The following EYS variants were observed in gnomAD, a reference collection of about 807,000 sequenced individuals.
EYS encodes the protein EGF-like photoreceptor maintenance factor.
A neutral mutation model predicts 282.1 loss-of-function variants in EYS; 250 were observed. That is an observed-to-expected ratio of 0.89 (90% CI 0.80 to 0.98). EYS has a LOEUF of 0.98. Among genes scored for constraint, EYS ranks in the 50% least tolerant of loss-of-function variants. The pLI is 0.00. For synonymous variants in EYS, 1,355 were observed against 1,282.9 expected (o/e 1.06, Z -1.20); for missense variants, 4,016 against 3,709.0 (o/e 1.08, Z -2.15).
chr6:65,171,552 C>T lies in EYS; in HGVS notation c.2024-113825G>A, dbSNP rs547745480. Among the ~76,000 whole-genome samples the T allele has an allele frequency of 3.2e-4, 48 of 151,114 alleles. 1 individual carries two copies. The South Asian group carries it at 8.9e-3, about 28-fold the overall frequency. On this transcript the variant is annotated intron_variant, in intron 12 of 42. Transcript: ENST00000503581. Reference sequence around the variant, plus strand: ...GCATATTTGTGTATATGTGGTAAAACCCAACACTGAAGTATATTTCTTTAG... The same window carrying T: ...GCATATTTGTGTATATGTGGTAAAATCCAACACTGAAGTATATTTCTTTAG...
At position 65,241,514 on chromosome 6, in the gene EYS, T is replaced by A. The variant is rs539926567; in HGVS notation, c.2023+54349A>T. Among the ~76,000 whole-genome samples, 21 of 152,240 alleles carry A rather than the reference T, an allele frequency of 1.4e-4. No homozygotes were observed. In the South Asian group the frequency reaches 3.5e-3, roughly 26 times the overall value. ...TTTTTAAAATCAAGACCCACCTAATTTTCTTTTCCCTCTGGTCTAATTTTT... is the reference window on the plus strand; with the variant it reads ...TTTTTAAAATCAAGACCCACCTAATATTCTTTTCCCTCTGGTCTAATTTTT... On this transcript the variant is annotated intron_variant, in intron 12 of 42. Coordinates refer to ENST00000503581, the MANE Select transcript of EYS (RefSeq NM_001142800.2).
At chr6:64,102,918 C>T (rs1377644488) in intron 31 of EYS, among the ~76,000 whole-genome samples, 1 of 151,748 alleles carries the variant, frequency 6.6e-6, no homozygotes, top group Non-Finnish European at 1.5e-5. Flanking sequence ...CTTCAAATAT[C>T]TGTAGTGATT....
At chr6:65,546,930 C>A (rs1449987181) in intron 2 of EYS, among the ~76,000 whole-genome samples, 1 of 151,962 alleles carries the variant, frequency 6.6e-6, no homozygotes, top group Non-Finnish European at 1.5e-5. Context: ...GCAGCATTTG[C>A]CGTTAAGTTT....
At chr6:65,056,853 G>C (rs1280656465) in intron 13 of EYS, among the ~76,000 whole-genome samples, 6 of 151,908 alleles carry the variant, frequency 3.9e-5, no homozygotes, top group African/African-American at 1.4e-4. Context: ...AAATGAGCTA[G>C]ATATATTCTT....
At chr6:65,039,593 A>T (rs1772872322) in intron 13 of EYS, among the ~76,000 whole-genome samples, 1 of 151,502 alleles carries the variant, frequency 6.6e-6, no homozygotes, top group Non-Finnish European at 1.5e-5. Context: ...ATGTGATGTG[A>T]TTACATTTTT....
chr6:65,631,176 A>C (rs1766897558), intron 2 of EYS, among the ~76,000 whole-genome samples: 1 of 152,186 alleles, frequency 6.6e-6, no homozygotes, highest in Non-Finnish European at 1.5e-5. Context: ...GACAATGAAG[A>C]CAGATGTGAC....
chr6:64,678,649 T>G (rs1769781152), intron 22 of EYS, among the ~76,000 whole-genome samples: 1 of 152,164 alleles, frequency 6.6e-6, no homozygotes, highest in South Asian at 2.1e-4. Context: ...TAATACAAGT[T>G]GTGTTTATTT....
At chr6:64,446,660 T>C (rs917668776) in intron 26 of EYS, among the ~76,000 whole-genome samples, 5 of 152,014 alleles carry the variant, frequency 3.3e-5, no homozygotes, top group African/African-American at 1.2e-4. Context: ...CAAGATTAAA[T>C]GTGAAAGTTG....
intron 31 of EYS, among the ~76,000 whole-genome samples, chr6:64,150,676 T>A (rs1010014329): frequency 6.6e-6 from 1 of 151,710 alleles, no homozygotes; most frequent in Non-Finnish European, 1.5e-5. Flanking sequence ...GCAAGGTATA[T>A]GTGTAAGCGT....
At chr6:64,085,317 CGCGCGCGTGCGCACGT>C (rs1162649651) in intron 31 of EYS, among the ~76,000 whole-genome samples, 1 of 135,952 alleles carries the variant, frequency 7.4e-6, no homozygotes, top group Non-Finnish European at 1.5e-5. Flanking sequence ...CTTCCAGACG[CGCGCGCGTGCGCACGT>C]GCGCGCGCAC....
chr6:65,580,575 A>C (rs927469845), intron 2 of EYS, among the ~76,000 whole-genome samples: 11 of 152,048 alleles, frequency 7.2e-5, no homozygotes, highest in Non-Finnish European at 4.4e-5. Flanking sequence ...ATTTGTAAGT[A>C]CTCTACACAT....
At chr6:63,815,128 G>A (rs890998705) in intron 36 of EYS, among the ~76,000 whole-genome samples, 1 of 152,086 alleles carries the variant, frequency 6.6e-6, no homozygotes, top group African/African-American at 2.4e-5. Flanking sequence ...TCAAGATATG[G>A]CTGTTTAGAT....
At chr6:64,082,263 A>G (rs1277110983) in intron 31 of EYS, among the ~76,000 whole-genome samples, 1 of 152,192 alleles carries the variant, frequency 6.6e-6, no homozygotes, top group Non-Finnish European at 1.5e-5. Flanking sequence ...GACATAACAA[A>G]CACTCTAAAA....
intron 28 of EYS, among the ~76,000 whole-genome samples, chr6:64,422,453 A>C (rs1453512714): frequency 1.3e-5 from 2 of 152,184 alleles, no homozygotes; most frequent in Non-Finnish European, 2.9e-5. Context: ...TCATATTGCT[A>C]TTCTAAATCT....
At chr6:64,786,320 C>A (rs896212283) in intron 22 of EYS, among the ~76,000 whole-genome samples, 8 of 151,726 alleles carry the variant, frequency 5.3e-5, no homozygotes, top group Admixed American at 6.6e-5. Context: ...AGAGACAGAA[C>A]CCCAAGTGTG....
chr6:63,767,076 T>C (rs1264040393), intron 40 of EYS, among the ~76,000 whole-genome samples: 2 of 152,080 alleles, frequency 1.3e-5, no homozygotes, highest in Non-Finnish European at 2.9e-5. Context: ...TGAAGGAACA[T>C]ACTTCAAAAT....
At chr6:65,290,471 T>C (rs1768493111) in intron 12 of EYS, among the ~76,000 whole-genome samples, 1 of 151,302 alleles carries the variant, frequency 6.6e-6, no homozygotes. Flanking sequence ...TGAATTGTTA[T>C]TCTATGACAA....
chr6:64,889,665 A>C (rs1172772312), intron 18 of EYS, among the ~76,000 whole-genome samples: 3 of 152,042 alleles, frequency 2.0e-5, no homozygotes, highest in Non-Finnish European at 2.9e-5. Context: ...TGAAGATTTC[A>C]TGGACACTTA....
rs544891258 is a variant in EYS, at chr6:65,628,804, C to T, written c.-333+10974G>A. Among the ~76,000 whole-genome samples the T allele has an allele frequency of 2.5e-3, 382 of 152,304 alleles. 3 individuals are homozygous for T. The highest frequency in any genetic ancestry group is 0.017 in the Middle Eastern group (5 of 294). ...CCACCTTAAGAGCTGTAACACTCACCGCGAGGGTCCGCGGCTTCATTCTTG... is the reference window on the plus strand; with the variant it reads ...CCACCTTAAGAGCTGTAACACTCACTGCGAGGGTCCGCGGCTTCATTCTTG... On this transcript the variant is annotated intron_variant, in intron 2 of 42. Coordinates refer to ENST00000503581, the MANE Select transcript of EYS (RefSeq NM_001142800.2).
Sources: allele counts gnomAD v4.1 joint callset (sites outside exome capture counted in the v4.1 genomes callset), GRCh38; gene constraint gnomAD v4.1.1; transcripts MANE v1.5; gene names NCBI Gene and HGNC (gene_info 2026-07-23, HGNC 2026-07-21).